HECW2: variants seen among roughly 807,000 people sequenced by gnomAD.
HECW2 encodes the protein E3 ubiquitin-protein ligase HECW2.
In HECW2, 61 loss-of-function variants were observed where a neutral mutation model predicts 175.2. The ratio of observed to expected loss-of-function variants is 0.35; its 90% CI spans 0.28 to 0.43. The LOEUF (loss-of-function observed/expected upper bound fraction) is 0.43, where lower values mean the gene tolerates loss of function less well. Ranked by LOEUF, HECW2 falls within the 20% of genes least tolerant of loss-of-function variation. The pLI is 1.00. For synonymous variants in HECW2, 671 were observed against 731.0 expected (o/e 0.92, Z 1.32); for missense variants, 1,524 against 2,000.5 (o/e 0.76, Z 4.54).
At chr2:196,281,639 G>A (rs1202816787) in intron 14 of HECW2, among the ~76,000 whole-genome samples, 1 of 37,944 alleles carries the variant, frequency 2.6e-5, no homozygotes, top group African/African-American at 1.7e-4. Flanking sequence ...GTGAGACCCC[G>A]TCTCAAAAAA....
intron 1 of HECW2, among the ~76,000 whole-genome samples, chr2:196,592,141 C>T (rs1691221199): frequency 6.6e-6 from 1 of 152,198 alleles, no homozygotes; most frequent in Non-Finnish European, 1.5e-5. Context: ...AAGTTTCACA[C>T]TTTCACAAAG....
intron 1 of HECW2, among the ~76,000 whole-genome samples, chr2:196,533,718 T>A (rs1688921825): frequency 6.6e-6 from 1 of 152,232 alleles, no homozygotes; most frequent in Non-Finnish European, 1.5e-5. Flanking sequence ...TAGCCTGACT[T>A]TTTTCTGGCT....
intron 1 of HECW2, among the ~76,000 whole-genome samples, chr2:196,533,553 T>C (rs1175138841): frequency 6.6e-6 from 1 of 152,192 alleles, no homozygotes; most frequent in Non-Finnish European, 1.5e-5. Context: ...GGCTGCAGGA[T>C]GGAAGAGCTT....
rs539681881 is a variant in HECW2, at chr2:196,547,594, A to G, written c.-36+45914T>C. ...CACCTACCTCTAACTAGTGGTGTGT[A>G]TTAGTTGTGGATATAGATTCAGGTG... On this transcript the variant is annotated intron_variant, in intron 1 of 28. Transcript: ENST00000644978. Among the ~76,000 whole-genome samples the G allele has an allele frequency of 3.3e-5, 5 of 152,334 alleles. No individual in the cohort carries two copies. The South Asian group carries it at 1.0e-3, about 32-fold the overall frequency.
At chr2:196,298,609 T>A (rs1348594442) in intron 13 of HECW2, among the ~76,000 whole-genome samples, 2 of 152,220 alleles carry the variant, frequency 1.3e-5, no homozygotes, top group Non-Finnish European at 2.9e-5. Flanking sequence ...TAACTCGTCA[T>A]TTACATTAGG....
At chr2:196,269,496 CAAAAAAAAAAAAAA>C (rs66656524) in intron 17 of HECW2, 3 of 51,320 alleles carry the variant, frequency 5.8e-5, no homozygotes, top group African/African-American at 8.9e-5. Flanking sequence ...CCCCTACCTC[CAAAAAAAAAAAAAA>C]AAAAAAAAAA....
intron 1 of HECW2, among the ~76,000 whole-genome samples, chr2:196,495,170 C>T (rs550535855): frequency 7.9e-5 from 12 of 151,788 alleles, no homozygotes; most frequent in Middle Eastern, 3.4e-3. Context: ...CAGGTTCAAA[C>T]GATTCTCCTC....
At chr2:196,491,365 TATATACAC>T (rs1471039870) in intron 1 of HECW2, among the ~76,000 whole-genome samples, 2,038 of 100,704 alleles carry the variant, frequency 0.02, 21 homozygotes, top group Middle Eastern at 0.061. Flanking sequence ...AAATCATATA[TATATACAC>T]ACACACACAC....
rs374556348 is a variant in HECW2 at position 196,399,746 on chromosome 2, C to T, written c.292+33386G>A. Among the ~76,000 whole-genome samples the T allele has an allele frequency of 3.9e-5, 6 of 152,144 alleles. No individual in the cohort carries two copies. In the South Asian group the frequency reaches 6.2e-4, roughly 16 times the overall value. On this transcript the variant is annotated intron_variant, in intron 2 of 28. Transcript: ENST00000644978. The stretch of plus-strand genomic sequence containing the variant: ...CACACAGTCTCCTAAGTAGGACTGA[C>T]AGATAGAACCGTAGGCCTAACTAGT...
chr2:196,408,268 A>G (rs980401077), intron 2 of HECW2, among the ~76,000 whole-genome samples: 9 of 152,316 alleles, frequency 5.9e-5, no homozygotes, highest in African/African-American at 1.9e-4. Context: ...TAATGGTATA[A>G]TGGAAAAACA....
intron 1 of HECW2, among the ~76,000 whole-genome samples, chr2:196,554,095 T>C (rs1027542541): frequency 1.3e-4 from 20 of 152,134 alleles, no homozygotes; most frequent in Admixed American, 1.0e-3. Context: ...TCCCAGCACT[T>C]TGGGAGGCCG....
rs183463200 is a variant in HECW2 at position 196,437,520 on chromosome 2, G to A, written c.-35-4062C>T. ...CCAGCTACTCAGGAGGCTGAGGCAC[G>A]AGAATCGCTTGAACCAGGGAGGTAA... On this transcript the variant is annotated intron_variant, in intron 1 of 28. Coordinates refer to ENST00000644978, the MANE Select transcript of HECW2 (RefSeq NM_001348768.2). Among the ~76,000 whole-genome samples, 14 of 148,034 alleles carry A rather than the reference G, an allele frequency of 9.5e-5. No homozygotes were observed. The East Asian group carries it at 2.7e-3, about 28-fold the overall frequency.
intron 2 of HECW2, among the ~76,000 whole-genome samples, chr2:196,385,477 C>T (rs1314554933): frequency 6.6e-6 from 1 of 152,188 alleles, no homozygotes; most frequent in Non-Finnish European, 1.5e-5. Flanking sequence ...CCATCCCTCT[C>T]CATTAAGCCC....
At chr2:196,487,450 T>C (rs930007137) in intron 1 of HECW2, among the ~76,000 whole-genome samples, 1 of 152,172 alleles carries the variant, frequency 6.6e-6, no homozygotes, top group African/African-American at 2.4e-5. Context: ...GAAGAAAGGC[T>C]CCCTGTTTAT....
chr2:196,253,790 C>T (rs941828504), intron 19 of HECW2, 130 bp downstream of exon 19: 20 of 738,478 alleles, frequency 2.7e-5, no homozygotes, highest in East Asian at 1.0e-4. Context: ...GAAATGCACA[C>T]GTGTATCTGT....
Position 196,343,763 on chromosome 2 carries a change from A to T in HECW2, c.294T>A (p.Asp98Glu), listed in dbSNP as rs1692848682. The change falls in exon 3 of 29, where the codon GAT (aspartate) becomes GAA (glutamate). Residue 98 changes from aspartate to glutamate, a missense_variant and splice_region_variant. Transcript: ENST00000644978. ...CCCAGAAGTTGGCTGGAGAATTCTC[A>T]TCTAGAAAAACCAAAGAAACACTTT... ...PSDWIGLYHI[D>E]ENSPANFWDS... is the part of the protein sequence containing the mutation. 6.2e-7 allele frequency: 1 copy of T among 1,602,796 alleles called. No individual in the cohort carries two copies. The highest frequency in any genetic ancestry group is 8.5e-7 in the Non-Finnish European group (1 of 1,169,982).
At chr2:196,360,576 G>A (rs1693553671) in intron 2 of HECW2, among the ~76,000 whole-genome samples, 1 of 150,744 alleles carries the variant, frequency 6.6e-6, no homozygotes, top group Non-Finnish European at 1.5e-5. Context: ...GAGAGGATCA[G>A]AAAAAAAAAT....
chr2:196,532,862 T>A (rs1382702892), intron 1 of HECW2, among the ~76,000 whole-genome samples: 1 of 152,130 alleles, frequency 6.6e-6, no homozygotes, highest in South Asian at 2.1e-4. Flanking sequence ...GAGGGACACA[T>A]TAATTTGGCA....
chr2:196,273,586 G>T (rs576096369), intron 16 of HECW2, among the ~76,000 whole-genome samples: 1 of 152,058 alleles, frequency 6.6e-6, no homozygotes, highest in Non-Finnish European at 1.5e-5. Flanking sequence ...TGTGACAAAA[G>T]CCCTTAAGAA....
Sources: allele counts gnomAD v4.1 joint callset (sites outside exome capture counted in the v4.1 genomes callset), GRCh38; gene constraint gnomAD v4.1.1; transcripts MANE v1.5; gene names NCBI Gene and HGNC (gene_info 2026-07-23, HGNC 2026-07-21).